The following THADA variants were observed in gnomAD, a reference collection of about 807,000 sequenced individuals.
THADA encodes the protein tRNA (32-2'-O)-methyltransferase regulator THADA.
In THADA, 213 loss-of-function variants were observed where a neutral mutation model predicts 219.8. That is an observed-to-expected ratio of 0.97 (90% CI 0.87 to 1.09). The LOEUF is 1.09. THADA is among the 50% of genes least tolerant of loss of function. THADA has a pLI of 0.00. For missense variants in THADA, 2,956 were observed against 2,311.3 expected (o/e 1.28, Z -5.72); for synonymous variants, 1,018 against 828.9 (o/e 1.23, Z -3.92).
chr2:43,357,028 A>G (rs1256465494), intron 29 of THADA, among the ~76,000 whole-genome samples: 1 of 152,242 alleles, frequency 6.6e-6, no homozygotes, highest in Admixed American at 6.5e-5. Flanking sequence ...TTGTGCTAGT[A>G]ATTCACATAA....
intron 29 of THADA, among the ~76,000 whole-genome samples, chr2:43,362,811 C>T (rs1266449438): frequency 6.6e-6 from 1 of 152,188 alleles, no homozygotes. Flanking sequence ...AACACCTGTG[C>T]AGCTATAAAA....
At chr2:43,469,802 A>C (rs1684690097) in intron 26 of THADA, among the ~76,000 whole-genome samples, 1 of 152,246 alleles carries the variant, frequency 6.6e-6, no homozygotes, top group South Asian at 2.1e-4. Context: ...AGTTTCTTAG[A>C]AAGTGTTTTA....
chr2:43,306,013 G>T (rs966640582), intron 31 of THADA, among the ~76,000 whole-genome samples: 1 of 144,746 alleles, frequency 6.9e-6, no homozygotes, highest in South Asian at 2.3e-4. Flanking sequence ...TTGAGACAGG[G>T]TCTTACTCTT....
Position 43,278,985 on chromosome 2 carries a change from C to G in THADA, c.5296+780G>C, listed in dbSNP as rs140395253. ...CAGAGACCTTTCCTGGCACCCAGCCCCAAGCACAGAGAATCCGAGTCTGCT... is the reference window on the plus strand; with the variant it reads ...CAGAGACCTTTCCTGGCACCCAGCCGCAAGCACAGAGAATCCGAGTCTGCT... On this transcript the variant is annotated intron_variant, in intron 36 of 37. Coordinates refer to ENST00000405975, the MANE Select transcript of THADA (RefSeq NM_022065.5). 1.5e-3 allele frequency among the ~76,000 whole-genome samples: 225 copies of G among 152,286 alleles called. 1 individual carries two copies. Among genetic ancestry groups the G allele is most frequent in the African/African-American group, 5.1e-3 (213 of 41,554 alleles).
chr2:43,578,294 CACCA>C (rs1245063940), intron 9 of THADA, among the ~76,000 whole-genome samples: 2 of 151,228 alleles, frequency 1.3e-5, no homozygotes, highest in East Asian at 3.9e-4. Flanking sequence ...AGCTGTGCAC[CACCA>C]TACCCAGCAA....
chr2:43,450,545 C>G (rs1468526771), intron 26 of THADA, among the ~76,000 whole-genome samples: 1 of 151,330 alleles, frequency 6.6e-6, no homozygotes, highest in African/African-American at 2.4e-5. Context: ...AAACATTTCA[C>G]AGCAAAAAAT....
At position 43,287,078 on chromosome 2, in the gene THADA, T is replaced by C; in HGVS notation, c.5011-17A>G. ...TTCCCTGTTCTAAAAGCACAAAATG[T>C]ACCTATCAGTAGTTCAGAAGATGCA... On this transcript the variant is annotated splice_polypyrimidine_tract_variant and intron_variant, in intron 34 of 37. Coordinates refer to ENST00000405975, the MANE Select transcript of THADA (RefSeq NM_022065.5). 1 of 1,602,160 alleles carries C rather than the reference T, an allele frequency of 6.2e-7. No individual in the cohort carries two copies. Among genetic ancestry groups the C allele is most frequent in the Non-Finnish European group, 8.5e-7 (1 of 1,172,396 alleles).
At chr2:43,517,914 T>C (rs1354723693) in intron 22 of THADA, among the ~76,000 whole-genome samples, 1 of 152,208 alleles carries the variant, frequency 6.6e-6, no homozygotes, top group East Asian at 1.9e-4. Flanking sequence ...TGTTCTTTAA[T>C]ACACCATAGA....
intron 28 of THADA, among the ~76,000 whole-genome samples, chr2:43,426,692 T>C (rs1238296204): frequency 6.6e-6 from 1 of 152,192 alleles, no homozygotes; most frequent in African/African-American, 2.4e-5. Flanking sequence ...TCATGTTTAA[T>C]GGTTTTCTCA....
intron 26 of THADA, among the ~76,000 whole-genome samples, chr2:43,453,046 A>ATTTATAATAAGTCT (rs1293097731): frequency 2.0e-5 from 3 of 152,212 alleles, no homozygotes; most frequent in African/African-American, 7.2e-5. Flanking sequence ...AAGTCTGTGA[A>ATTTATAATAAGTCT]CACTCAGGCT....
chr2:43,489,401 A>G (rs1558844201), intron 25 of THADA, among the ~76,000 whole-genome samples: 1 of 152,018 alleles, frequency 6.6e-6, no homozygotes, highest in Non-Finnish European at 1.5e-5. Context: ...TTCCCAGTCT[A>G]ATTTATCAAT....
At chr2:43,367,326 T>C (rs528564527) in intron 29 of THADA, among the ~76,000 whole-genome samples, 17 of 151,954 alleles carry the variant, frequency 1.1e-4, no homozygotes, top group Middle Eastern at 6.8e-3. Flanking sequence ...GTAAATTTTA[T>C]GTTATGTGTC....
rs59763196 is a variant in THADA, at chr2:43,292,079, T to G, written c.4937+25A>C. ...ATGGGACCATACATCTTACCAAGGT[T>G]GCACAGGAGGTTTTGGGGGCAAACC... On this transcript the variant is annotated intron_variant, in intron 33 of 37. Coordinates refer to ENST00000405975, the MANE Select transcript of THADA (RefSeq NM_022065.5). 2,561 of 1,500,148 alleles carry G rather than the reference T, an allele frequency of 1.7e-3. 41 individuals are homozygous for G. The African/African-American group carries it at 0.031, about 18-fold the overall frequency. 92.9% of individuals were successfully genotyped at this position (1,500,148 alleles called of 1,614,324 possible). A position where few individuals can be genotyped will look rare whatever the true frequency, so the allele number is the denominator to read the frequency against.
At chr2:43,573,126 CAAATT>C (rs1699484314) in intron 11 of THADA, 134 bp from the exon 12 acceptor site, 2 of 700,334 alleles carry the variant, frequency 2.9e-6, no homozygotes, top group Non-Finnish European at 4.3e-6. Flanking sequence ...ATTTCTAACA[CAAATT>C]AAAGTTCCTA....
At position 43,577,237 on chromosome 2, in the gene THADA, G is replaced by C; in HGVS notation, c.822C>G (p.Ser274Arg). 1.3e-6 allele frequency: 2 copies of C among 1,583,246 alleles called. No homozygotes were observed. Among genetic ancestry groups the C allele is most frequent in the Non-Finnish European group, 1.7e-6 (2 of 1,164,518 alleles). The change falls in exon 10 of 38, where the codon AGC becomes AGG. Residue 274 changes from serine (S) to arginine (R), a missense_variant. By Grantham distance (110) the Ser-to-Arg change is moderately radical. Transcript: ENST00000405975. ...AGTCCACTGAACGAAGCAGCACACTGCTAATCTGGAAAAATATAGCAGAGC... is the reference window on the plus strand; with the variant it reads ...AGTCCACTGAACGAAGCAGCACACTCCTAATCTGGAAAAATATAGCAGAGC... ...HPSEKIPHLISSVLLRSVDCT... is the reference protein window; with the variant it reads ...HPSEKIPHLIRSVLLRSVDCT...
chr2:43,294,997 G>C (rs1040565792), intron 31 of THADA, among the ~76,000 whole-genome samples: 4 of 152,212 alleles, frequency 2.6e-5, no homozygotes, highest in Admixed American at 2.0e-4. Context: ...GGTGGCTCAT[G>C]CCTGTAATCC....
intron 19 of THADA, among the ~76,000 whole-genome samples, chr2:43,550,743 T>C (rs1259816850): frequency 6.6e-6 from 1 of 152,214 alleles, no homozygotes; most frequent in Non-Finnish European, 1.5e-5. Flanking sequence ...CCAGAATATA[T>C]GGGTACTTTG....
intron 36 of THADA, among the ~76,000 whole-genome samples, chr2:43,279,185 G>T (rs13397737): frequency 0.14 from 21,248 of 152,136 alleles, 1,640 homozygotes; most frequent in African/African-American, 0.2. Context: ...GGCTGTAACC[G>T]CTTATACGAC....
intron 30 of THADA, among the ~76,000 whole-genome samples, chr2:43,322,014 T>C (rs1261465070): frequency 2.0e-5 from 3 of 152,186 alleles, no homozygotes; most frequent in Admixed American, 2.0e-4. Flanking sequence ...AGCTGGTGTA[T>C]GTCTAACATG....
Sources: allele counts gnomAD v4.1 joint callset (sites outside exome capture counted in the v4.1 genomes callset), GRCh38; gene constraint gnomAD v4.1.1; transcripts MANE v1.5; gene names NCBI Gene and HGNC (gene_info 2026-07-23, HGNC 2026-07-21).